The following ADGRL2 variants were observed in gnomAD, a reference collection of about 807,000 sequenced individuals.
The protein encoded by ADGRL2 is adhesion G protein-coupled receptor L2.
A neutral mutation model predicts 157.4 loss-of-function variants in ADGRL2; 44 were observed. The observed-to-expected ratio is 0.28, with a 90% CI of 0.22 to 0.36. ADGRL2 has a LOEUF of 0.36. ADGRL2 is among the 10% of genes least tolerant of loss of function. The pLI is 1.00. For synonymous variants in ADGRL2, 585 were observed against 624.7 expected (o/e 0.94, Z 0.95); for missense variants, 1,510 against 1,768.9 (o/e 0.85, Z 2.63).
At chr1:81,852,675 A>C (rs2093055037) in intron 2 of ADGRL2, among the ~76,000 whole-genome samples, 1 of 152,008 alleles carries the variant, frequency 6.6e-6, no homozygotes, top group South Asian at 2.1e-4. Context: ...TGTATATCTG[A>C]TGTGCCATGC....
At chr1:81,537,618 C>G (rs1394506460) in intron 2 of ADGRL2, among the ~76,000 whole-genome samples, 2 of 151,986 alleles carry the variant, frequency 1.3e-5, no homozygotes, top group Non-Finnish European at 2.9e-5. Flanking sequence ...AGCATTTTAT[C>G]TTTACTAAAA....
upstream of ADGRL2, among the ~76,000 whole-genome samples, chr1:81,697,513 G>A (rs974417688): frequency 3.3e-5 from 5 of 152,168 alleles, no homozygotes; most frequent in East Asian, 1.9e-4. Flanking sequence ...CTCCTTGCCA[G>A]GCTGTGTGCT....
At chr1:81,605,078 A>G (rs2081406446) in intron 3 of ADGRL2, among the ~76,000 whole-genome samples, 1 of 152,104 alleles carries the variant, frequency 6.6e-6, no homozygotes, top group African/African-American at 2.4e-5. Context: ...TACCAACCAC[A>G]TAACCTGAGG....
intron 3 of ADGRL2, among the ~76,000 whole-genome samples, chr1:81,621,648 T>G (rs986728052): frequency 6.6e-6 from 1 of 152,196 alleles, no homozygotes; most frequent in African/African-American, 2.4e-5. Flanking sequence ...AGTCTCCAGA[T>G]GAGACTGCAG....
chr1:81,386,388 C>T lies in ADGRL2; in HGVS notation c.-301-58648C>T, dbSNP rs185526118. Among the ~76,000 whole-genome samples the T allele has an allele frequency of 1.7e-3, 266 of 152,242 alleles. 1 individual carries two copies. The highest frequency in any genetic ancestry group is 2.6e-3 in the Non-Finnish European group (180 of 67,984). On this transcript the variant is annotated intron_variant, in intron 1 of 24. Coordinates refer to the ADGRL2 transcript ENST00000370721. ...TTCGCTAGCCTCCATAATGCTTTCT[C>T]TTGCAGTGTTTTTTGTATTATGCAC...
rs114393466 is a variant in ADGRL2, at chr1:81,407,605, T to C, written c.-301-37431T>C. On this transcript the variant is annotated intron_variant, in intron 1 of 24. Coordinates refer to the ADGRL2 transcript ENST00000370721. ...TGATCTCATGGCTTTTATTTAAGGG[T>C]GAACACCCAATTGTAAACATAGGAG... 3.9e-3 allele frequency among the ~76,000 whole-genome samples: 587 copies of C among 152,342 alleles called. 3 individuals are homozygous for C. The highest frequency in any genetic ancestry group is 0.014 in the African/African-American group (566 of 41,590).
chr1:81,945,303 G>T (rs1001155031), intron 6 of ADGRL2, among the ~76,000 whole-genome samples: 1 of 151,880 alleles, frequency 6.6e-6, no homozygotes, highest in Non-Finnish European at 1.5e-5. Flanking sequence ...ACTTGTATTG[G>T]CATTGGCTAA....
intron 1 of ADGRL2, among the ~76,000 whole-genome samples, chr1:81,834,154 A>G (rs775299359): frequency 7.2e-5 from 11 of 152,098 alleles, no homozygotes; most frequent in Non-Finnish European, 1.6e-4. Context: ...GAGCTTCACC[A>G]TGCACTACAC....
chr1:81,973,345 G>A (rs2149356883), intron 17 of ADGRL2, among the ~76,000 whole-genome samples: 1 of 152,268 alleles, frequency 6.6e-6, no homozygotes, highest in Middle Eastern at 3.4e-3. Context: ...GCCTAAGCCT[G>A]TCTAGAGTTC....
chr1:81,911,324 G>A (rs1263939201), intron 3 of ADGRL2, among the ~76,000 whole-genome samples: 1 of 151,904 alleles, frequency 6.6e-6, no homozygotes, highest in African/African-American at 2.4e-5. Flanking sequence ...GTTGGGGGGG[G>A]CAACTTAAAA....
chr1:81,861,628 C>T (rs1453819250), intron 2 of ADGRL2, among the ~76,000 whole-genome samples: 1 of 152,186 alleles, frequency 6.6e-6, no homozygotes, highest in Admixed American at 6.6e-5. Flanking sequence ...GTGGCTCATG[C>T]CTGTTTTCCC....
At chr1:81,469,343 C>T (rs1191769331) in intron 2 of ADGRL2, among the ~76,000 whole-genome samples, 1 of 152,280 alleles carries the variant, frequency 6.6e-6, no homozygotes, top group Middle Eastern at 3.4e-3. Context: ...CGGTTGATTT[C>T]AGGGACACGG....
chr1:81,579,810 T>C (rs1447475638), intron 2 of ADGRL2, among the ~76,000 whole-genome samples: 1 of 152,120 alleles, frequency 6.6e-6, no homozygotes, highest in Non-Finnish European at 1.5e-5. Flanking sequence ...TAAAAAAAAG[T>C]ATTTAAAAGA....
intron 2 of ADGRL2, among the ~76,000 whole-genome samples, chr1:81,877,452 G>C (rs1038452719): frequency 1.3e-5 from 2 of 152,030 alleles, no homozygotes; most frequent in Non-Finnish European, 2.9e-5. Context: ...GATATATATA[G>C]TAAGATGCTA....
At chr1:81,393,886 A>C (rs2076605843) in intron 1 of ADGRL2, among the ~76,000 whole-genome samples, 1 of 150,216 alleles carries the variant, frequency 6.7e-6, no homozygotes, top group East Asian at 1.9e-4. Flanking sequence ...GTTTTTCTGA[A>C]TATGAAAGTA....
chr1:81,456,739 C>G (rs1046064500), intron 2 of ADGRL2, among the ~76,000 whole-genome samples: 1 of 150,906 alleles, frequency 6.6e-6, no homozygotes. Context: ...GGTGGTTTGA[C>G]CATCATTGTG....
At chr1:81,984,280 C>T (rs1662493497) in intron 19 of ADGRL2, 1 of 180,528 alleles carries the variant, frequency 5.5e-6, no homozygotes, top group African/African-American at 2.3e-5. Context: ...GAGAATAAAA[C>T]TATAAATATA....
At chr1:81,594,842 A>T (rs1057202942) in intron 3 of ADGRL2, among the ~76,000 whole-genome samples, 1 of 152,246 alleles carries the variant, frequency 6.6e-6, no homozygotes, top group Non-Finnish European at 1.5e-5. Flanking sequence ...TCCAAATGTG[A>T]TTGTGCCTTT....
chr1:81,421,736 G>A (rs904735816), intron 1 of ADGRL2, among the ~76,000 whole-genome samples: 32 of 151,470 alleles, frequency 2.1e-4, no homozygotes, highest in African/African-American at 7.5e-4. Context: ...ATAGCCTTGT[G>A]ATAAAAAAGC....
Sources: gnomAD v4.1 joint callset for allele counts (sites outside exome capture counted in the v4.1 genomes callset) on GRCh38, gnomAD v4.1.1 for gene constraint, MANE v1.5 for transcripts, NCBI Gene and HGNC (gene_info 2026-07-23, HGNC 2026-07-21) for gene names.